The following TCF7 variants were observed in gnomAD, a reference collection of about 807,000 sequenced individuals.
TCF7 encodes the protein transcription factor 7.
TCF7 carries 19 observed loss-of-function variants against 46.8 expected under a neutral mutation model. The observed-to-expected ratio is 0.41, with a 90% CI of 0.28 to 0.60. TCF7 has a LOEUF of 0.60. TCF7 is among the 20% of genes least tolerant of loss of function. The pLI, the probability that TCF7 is intolerant of heterozygous loss-of-function variation, is 0.35. For synonymous variants in TCF7, 245 were observed against 213.4 expected (o/e 1.15, Z -1.29); for missense variants, 547 against 504.6 (o/e 1.08, Z -0.81).
At chr5:134,130,270 G>A (rs73790169) in intron 3 of TCF7, among the ~76,000 whole-genome samples, 7,180 of 152,334 alleles carry the variant, frequency 0.047, 489 homozygotes, top group African/African-American at 0.15. Flanking sequence ...GTCGATTGTT[G>A]TAGTCTGAGG....
chr5:134,134,656 A>AC (rs1247348866), intron 3 of TCF7, among the ~76,000 whole-genome samples: 5 of 152,172 alleles, frequency 3.3e-5, no homozygotes, highest in Admixed American at 3.3e-4. Flanking sequence ...TGCATCTGTG[A>AC]CCAATGAGGT....
At chr5:134,110,540 G>A (rs1019034382), upstream of TCF7, among the ~76,000 whole-genome samples, 16 of 152,198 alleles carry the variant, frequency 1.1e-4, no homozygotes, top group Admixed American at 9.2e-4. Flanking sequence ...AAAGCAAACC[G>A]TGTTTCTAGT....
the TCF7 span, among the ~76,000 whole-genome samples, chr5:134,109,080 G>A: frequency 6.6e-6 from 1 of 152,132 alleles, no homozygotes; most frequent in Admixed American, 6.5e-5. Flanking sequence ...CGGCAGGTAC[G>A]GGGCCTGCTA....
chr5:134,132,484 C>A (rs1306000402), intron 3 of TCF7, among the ~76,000 whole-genome samples: 1 of 152,190 alleles, frequency 6.6e-6, no homozygotes, highest in Non-Finnish European at 1.5e-5. Context: ...CTTGGGAGGG[C>A]CTGAACAGGC....
chr5:134,135,203 T>C (rs547403875), intron 3 of TCF7, among the ~76,000 whole-genome samples: 1 of 152,220 alleles, frequency 6.6e-6, no homozygotes, highest in Non-Finnish European at 1.5e-5. Context: ...AAAGCAGTCC[T>C]CCTCCCTCAG....
At chr5:134,145,950 G>C in intron 9 of TCF7, 1 of 1,482,116 alleles carries the variant, frequency 6.7e-7, no homozygotes, top group African/African-American at 1.4e-5. Flanking sequence ...TGGAAGACAG[G>C]AGAGATGACT....
At chr5:134,118,027 A>T (rs1580795590) in intron 3 of TCF7, among the ~76,000 whole-genome samples, 1 of 152,138 alleles carries the variant, frequency 6.6e-6, no homozygotes, top group East Asian at 1.9e-4. Flanking sequence ...TTTTAAGCAA[A>T]CCTGCCAGTT....
chr5:134,110,953 CA>C (rs1354675825), upstream of TCF7, among the ~76,000 whole-genome samples: 2 of 152,204 alleles, frequency 1.3e-5, no homozygotes, highest in East Asian at 3.8e-4. Context: ...CATGAAGAGC[CA>C]ATTAGCCTAA....
chr5:134,142,256 T>C lies in TCF7; in HGVS notation c.707T>C (p.Ile236Thr), dbSNP rs140432296. The C allele has an allele frequency of 1.8e-5, 29 of 1,608,650 alleles. No homozygotes were observed. Among genetic ancestry groups the C allele is most frequent in the African/African-American group, 2.7e-5 (2 of 74,812 alleles). Residue 236 changes from isoleucine to threonine, a missense_variant, in exon 6 of 10, where the codon ATT (isoleucine) becomes ACT (threonine). Coordinates refer to ENST00000342854, the MANE Select transcript of TCF7 (RefSeq NM_003202.5). ...CCAGCAGCCATCCCCCACCCGGCCA[T>C]TGTGCCCCCCTCAGGGAAGCAGGAG... The part of the protein sequence containing the change: ...GHPAAIPHPA[I>T]VPPSGKQELQ...
intron 3 of TCF7, among the ~76,000 whole-genome samples, chr5:134,133,154 CAG>C (rs1313660606): frequency 6.6e-6 from 1 of 152,056 alleles, no homozygotes; most frequent in Non-Finnish European, 1.5e-5. Context: ...GTGGGGGAGA[CAG>C]AGGGGCAAAG....
chr5:134,133,186 G>A (rs1186201882), intron 3 of TCF7, among the ~76,000 whole-genome samples: 1 of 152,150 alleles, frequency 6.6e-6, no homozygotes, highest in Non-Finnish European at 1.5e-5. Context: ...ATGGGTCTGG[G>A]GTTTGCTGAT....
intron 3 of TCF7, among the ~76,000 whole-genome samples, chr5:134,121,609 A>G (rs2149285189): frequency 6.6e-6 from 1 of 151,896 alleles, no homozygotes; most frequent in South Asian, 2.1e-4. Flanking sequence ...AAAATGCAAA[A>G]AACCCTCATG....
intron 3 of TCF7, among the ~76,000 whole-genome samples, chr5:134,126,688 G>A (rs1757388510): frequency 6.6e-6 from 1 of 152,184 alleles, no homozygotes; most frequent in South Asian, 2.1e-4. Flanking sequence ...CACGAGGTCA[G>A]GAGTTTGAGA....
chr5:134,145,682 A>G (rs1229311938), intron 9 of TCF7: 1 of 1,579,328 alleles, frequency 6.3e-7, no homozygotes, highest in Non-Finnish European at 8.7e-7. Flanking sequence ...CCACATACAT[A>G]TGCACGGTGG....
At chr5:134,119,217 A>G (rs1254129041) in intron 3 of TCF7, among the ~76,000 whole-genome samples, 1 of 152,186 alleles carries the variant, frequency 6.6e-6, no homozygotes, top group African/African-American at 2.4e-5. Flanking sequence ...TATGAGCTCT[A>G]CTTGGAGTCT....
chr5:134,142,084 A>G, intron 5 of TCF7, 101 bp from the exon 6 acceptor site: 1 of 1,529,652 alleles, frequency 6.5e-7, no homozygotes, highest in Non-Finnish European at 9.0e-7. Flanking sequence ...CTATCTGTTC[A>G]CCTGTGTCCT....
upstream of TCF7, among the ~76,000 whole-genome samples, chr5:134,112,028 G>T (rs1359995783): frequency 6.6e-6 from 1 of 152,164 alleles, no homozygotes; most frequent in Non-Finnish European, 1.5e-5. Flanking sequence ...CAGTATATGA[G>T]GTTGGTCGTT....
intron 3 of TCF7, among the ~76,000 whole-genome samples, chr5:134,127,520 CCT>C (rs1757497405): frequency 6.6e-6 from 1 of 152,238 alleles, no homozygotes; most frequent in Admixed American, 6.5e-5. Flanking sequence ...CAGGCACCCT[CCT>C]CTGTGTGATC....
chr5:134,145,477 T>G, intron 9 of TCF7: 1 of 563,700 alleles, frequency 1.8e-6, no homozygotes, highest in South Asian at 1.8e-5. Flanking sequence ...GAAATACTTG[T>G]GGGTGTGACA....
Sources: gnomAD v4.1 joint callset for allele counts (sites outside exome capture counted in the v4.1 genomes callset) on GRCh38, gnomAD v4.1.1 for gene constraint, MANE v1.5 for transcripts, NCBI Gene and HGNC (gene_info 2026-07-23, HGNC 2026-07-21) for gene names.